The following HDAC9 variants were observed in gnomAD, a reference collection of about 807,000 sequenced individuals.
The protein encoded by HDAC9 is histone deacetylase 9.
HDAC9 carries 41 observed loss-of-function variants against 139.4 expected under a neutral mutation model. That is an observed-to-expected ratio of 0.29 (90% CI 0.23 to 0.38). The LOEUF is 0.38. HDAC9 is among the 10% of genes least tolerant of loss of function. HDAC9 has a pLI of 1.00. For missense variants in HDAC9, 1,147 were observed against 1,297.0 expected (o/e 0.88, Z 1.78); for synonymous variants, 517 against 476.2 (o/e 1.09, Z -1.12).
Position 18,931,626 on chromosome 7 carries a change from T to C in HDAC9, c.2804-4183T>C, listed in dbSNP as rs144931886. Reference sequence around the variant, plus strand: ...AGACCAGAAGGGAAAATCTAGGCAGTTGTTTACCAAGTGGATTATTTTAAT... The same window carrying C: ...AGACCAGAAGGGAAAATCTAGGCAGCTGTTTACCAAGTGGATTATTTTAAT... On this transcript the variant is annotated intron_variant, in intron 22 of 25. Coordinates refer to ENST00000686413, the MANE Select transcript of HDAC9 (RefSeq NM_178425.4). Among the ~76,000 whole-genome samples the C allele has an allele frequency of 2.4e-3, 359 of 152,240 alleles. 2 individuals carry two copies. The highest frequency in any genetic ancestry group is 8.1e-3 in the African/African-American group (337 of 41,534).
chr7:18,641,536 A>G (rs1421412358), intron 8 of HDAC9, among the ~76,000 whole-genome samples: 1 of 152,130 alleles, frequency 6.6e-6, no homozygotes, highest in Admixed American at 6.6e-5. Context: ...AGGTTAAACA[A>G]TAGCCATTCA....
At chr7:18,279,700 G>A (rs1473616524) in intron 2 of HDAC9, among the ~76,000 whole-genome samples, 1 of 151,896 alleles carries the variant, frequency 6.6e-6, no homozygotes. Flanking sequence ...TCCTGACCTC[G>A]TGATCCACCC....
At chr7:18,851,879 A>G (rs1184848220) in intron 21 of HDAC9, among the ~76,000 whole-genome samples, 1 of 152,164 alleles carries the variant, frequency 6.6e-6, no homozygotes, top group East Asian at 1.9e-4. Flanking sequence ...GAATATTTAG[A>G]TTCATTAGAC....
intron 22 of HDAC9, among the ~76,000 whole-genome samples, chr7:18,918,129 G>C (rs980224884): frequency 4.6e-5 from 7 of 152,038 alleles, no homozygotes; most frequent in South Asian, 2.1e-4. Flanking sequence ...GGCCATTTCT[G>C]ATTGGAGATA....
chr7:18,812,362 T>A (rs1357641169), intron 17 of HDAC9, among the ~76,000 whole-genome samples: 1 of 151,980 alleles, frequency 6.6e-6, no homozygotes, highest in Non-Finnish European at 1.5e-5. Flanking sequence ...CTTGCACCAC[T>A]GTTCTGCTAG....
chr7:18,207,998 G>C (rs1220498401), intron 2 of HDAC9, among the ~76,000 whole-genome samples: 1 of 152,134 alleles, frequency 6.6e-6, no homozygotes, highest in African/African-American at 2.4e-5. Context: ...ACAGGTGTGA[G>C]CCACTGTGCT....
intron 1 of HDAC9, among the ~76,000 whole-genome samples, chr7:18,293,226 G>T (rs934331368): frequency 3.3e-5 from 5 of 151,946 alleles, no homozygotes; most frequent in Admixed American, 2.0e-4. Context: ...TGCAGAAAAA[G>T]AAAAGGATAA....
chr7:18,197,857 A>C (rs531522190), intron 2 of HDAC9, among the ~76,000 whole-genome samples: 2 of 152,162 alleles, frequency 1.3e-5, no homozygotes, highest in African/African-American at 4.8e-5. Flanking sequence ...CTGAACCAGG[A>C]ATTAGGATTT....
intron 1 of HDAC9, among the ~76,000 whole-genome samples, chr7:18,478,557 G>A (rs1795304825): frequency 6.6e-6 from 1 of 152,068 alleles, no homozygotes; most frequent in African/African-American, 2.4e-5. Flanking sequence ...AGAAAACCTT[G>A]AAAAGAATAC....
At chr7:18,665,108 A>G (rs1441802793) in intron 11 of HDAC9, among the ~76,000 whole-genome samples, 1 of 152,160 alleles carries the variant, frequency 6.6e-6, no homozygotes, top group Admixed American at 6.6e-5. Flanking sequence ...TTCACATTTT[A>G]AAACATGTAT....
At chr7:18,458,979 G>T (rs1793598796) in intron 1 of HDAC9, 2 of 1,086,534 alleles carry the variant, frequency 1.8e-6, no homozygotes, top group Non-Finnish European at 2.7e-6. Flanking sequence ...CCTTTTCCAG[G>T]CTATTGGTCA....
chr7:18,827,386 A>G (rs1035979101), intron 17 of HDAC9, among the ~76,000 whole-genome samples: 6 of 152,124 alleles, frequency 3.9e-5, no homozygotes, highest in African/African-American at 1.4e-4. Context: ...AAATCAGAAG[A>G]TAAGTATTTT....
intron 22 of HDAC9, among the ~76,000 whole-genome samples, chr7:18,891,324 G>A (rs1056537904): frequency 6.6e-6 from 1 of 152,168 alleles, no homozygotes; most frequent in Non-Finnish European, 1.5e-5. Flanking sequence ...AGCACATGAA[G>A]TGCCTAAAGA....
chr7:18,607,746 C>T (rs988330990), intron 6 of HDAC9, among the ~76,000 whole-genome samples: 1 of 151,908 alleles, frequency 6.6e-6, no homozygotes, highest in African/African-American at 2.4e-5. Flanking sequence ...CCAAATGATT[C>T]CTAAGATTGT....
Position 18,657,750 on chromosome 7 carries a change from T to C in HDAC9, c.1468-8463T>C, listed in dbSNP as rs556317252. 2.0e-5 allele frequency among the ~76,000 whole-genome samples: 3 copies of C among 152,266 alleles called. No individual in the cohort carries two copies. In the East Asian group the frequency reaches 5.8e-4, roughly 29 times the overall value. The stretch of plus-strand genomic sequence containing the variant: ...TTTGCTCCCTAAATCCAGTCTTCCA[T>C]AGCAGCCAGAATGATCATTTCAAAT... On this transcript the variant is annotated intron_variant, in intron 11 of 25. Transcript: ENST00000686413.
At chr7:18,904,102 A>G (rs1204252753) in intron 22 of HDAC9, among the ~76,000 whole-genome samples, 1 of 152,236 alleles carries the variant, frequency 6.6e-6, no homozygotes, top group African/African-American at 2.4e-5. Context: ...TACGAGCTTT[A>G]GCATTCCTTG....
Position 18,331,706 on chromosome 7 carries a change from A to G in HDAC9, c.-42+41191A>G, listed in dbSNP as rs144225344. 4.7e-3 allele frequency among the ~76,000 whole-genome samples: 707 copies of G among 151,796 alleles called. 1 individual carries two copies. The highest frequency in any genetic ancestry group is 7.7e-3 in the Non-Finnish European group (522 of 67,748). ...TATTAGAATAATGATTATCTTAAGTATACTACCTACCTTATTCGAGGTGAT... is the reference window on the plus strand; with the variant it reads ...TATTAGAATAATGATTATCTTAAGTGTACTACCTACCTTATTCGAGGTGAT... On this transcript the variant is annotated intron_variant, in intron 1 of 3. Transcript: ENST00000413509.
chr7:18,115,720 T>C (rs1276323563), intron 1 of HDAC9, among the ~76,000 whole-genome samples: 2 of 152,236 alleles, frequency 1.3e-5, no homozygotes, highest in African/African-American at 4.8e-5. Context: ...GGACCTGTGC[T>C]CCTAGTAATA....
At chr7:18,702,213 C>G (rs1783549847) in intron 12 of HDAC9, among the ~76,000 whole-genome samples, 1 of 152,162 alleles carries the variant, frequency 6.6e-6, no homozygotes, top group Non-Finnish European at 1.5e-5. Flanking sequence ...TCCAATTTCC[C>G]TGCATCTGCT....
Sources: allele counts gnomAD v4.1 joint callset (sites outside exome capture counted in the v4.1 genomes callset), GRCh38; gene constraint gnomAD v4.1.1; transcripts MANE v1.5; gene names NCBI Gene and HGNC (gene_info 2026-07-23, HGNC 2026-07-21).